Variants in PIKFYVE observed in about 807,000 individuals in gnomAD.
PIKFYVE encodes phosphoinositide kinase, FYVE-type zinc finger containing.
In PIKFYVE, 122 loss-of-function variants were observed where a neutral mutation model predicts 257.9. The ratio of observed to expected loss-of-function variants is 0.47; its 90% CI spans 0.41 to 0.55. PIKFYVE has a LOEUF of 0.55. Ranked by LOEUF, PIKFYVE falls within the 20% of genes least tolerant of loss-of-function variation. The pLI, the probability that PIKFYVE is intolerant of heterozygous loss-of-function variation, is 0.00. For synonymous variants in PIKFYVE, 892 were observed against 868.9 expected (o/e 1.03, Z -0.47); for missense variants, 2,160 against 2,536.6 (o/e 0.85, Z 3.19).
chr2:208,354,198 AG>A (rs1359164818), intron 40 of PIKFYVE, 39 bp downstream of exon 40: 1 of 1,596,444 alleles, frequency 6.3e-7, no homozygotes, highest in Admixed American at 1.7e-5. Flanking sequence ...TCATGATTGA[AG>A]TCAGAGTCAA....
At position 208,314,295 on chromosome 2, in the gene PIKFYVE, A is replaced by T; in HGVS notation, c.1698A>T (p.Glu566Asp). The change falls in exon 14 of 42, where the codon GAA (glutamate) becomes GAT (aspartate). Residue 566 changes from glutamate (E) to aspartate (D), a missense_variant and splice_region_variant. Physicochemically the swap from Glu to Asp is conservative, Grantham distance 45. Transcript: ENST00000264380. ...CTTCTTATTTTATATTGTACTTAGA[A>T]TCCTTATTTAATCGCCGAGTAGAGG... Reference protein sequence around the residue: ...QLSISDAFIKESLFNRRVEEK... With the variant: ...QLSISDAFIKDSLFNRRVEEK... The T allele has an allele frequency of 6.2e-7, 1 of 1,612,360 alleles. No individual in the cohort carries two copies. Among genetic ancestry groups the T allele is most frequent in the Non-Finnish European group, 8.5e-7 (1 of 1,178,512 alleles).
chr2:208,314,890 C>T (rs745846222), intron 14 of PIKFYVE, among the ~76,000 whole-genome samples: 4 of 80,094 alleles, frequency 5.0e-5, no homozygotes, highest in Non-Finnish European at 5.3e-5. Flanking sequence ...AGCAAGACTT[C>T]GTCTCAGAGA....
chr2:208,277,434 AT>A, intron 4 of PIKFYVE, 102 bp from the exon 5 acceptor site: 1 of 1,275,552 alleles, frequency 7.8e-7, no homozygotes, highest in Non-Finnish European at 1.1e-6. Context: ...GAATTTTTGA[AT>A]TAGTTTGTTT....
intron 7 of PIKFYVE, among the ~76,000 whole-genome samples, chr2:208,290,712 T>A (rs752026889): frequency 1.3e-5 from 2 of 152,202 alleles, no homozygotes; most frequent in Non-Finnish European, 2.9e-5. Context: ...CAAAGTGGTT[T>A]TACCATTTTG....
At chr2:208,302,491 CTT>C (rs1162322724) in intron 10 of PIKFYVE, 138 bp downstream of exon 10, 1 of 797,132 alleles carries the variant, frequency 1.3e-6, no homozygotes, top group East Asian at 2.7e-5. Flanking sequence ...AAAGTTAAAA[CTT>C]TTTTTACTTG....
At chr2:208,279,497 T>C (rs998906410) in intron 5 of PIKFYVE, among the ~76,000 whole-genome samples, 13 of 152,212 alleles carry the variant, frequency 8.5e-5, no homozygotes, top group African/African-American at 2.9e-4. Flanking sequence ...AGAATCATGC[T>C]TCATAGGTTT....
chr2:208,326,374 A>C lies in PIKFYVE; in HGVS notation c.3563A>C (p.Asn1188Thr), dbSNP rs1282498139. The change falls in exon 20 of 42, where the codon AAT becomes ACT. Residue 1188 changes from asparagine to threonine, a missense_variant. Transcript: ENST00000264380. ...TCAAGTGGCCAATCAGGAAGCAAAAATGAGGGTGATGAAGAGAGAGGGCTT... is the reference window on the plus strand; with the variant it reads ...TCAAGTGGCCAATCAGGAAGCAAAACTGAGGGTGATGAAGAGAGAGGGCTT... ...STSSGQSGSK[N>T]EGDEERGLIL... 6.2e-6 allele frequency: 10 copies of C among 1,613,980 alleles called. No individual in the cohort carries two copies. Among genetic ancestry groups the C allele is most frequent in the Non-Finnish European group, 8.5e-6 (10 of 1,179,956 alleles).
chr2:208,352,800 T>C lies in PIKFYVE; in HGVS notation c.5844+18T>C. On this transcript the variant is annotated intron_variant, in intron 39 of 41. Transcript: ENST00000264380. ...TGGCACAGGTAAGGGTATTGGACTATGTGAAGCATTTAGCTACTGGAACCT... is the reference window on the plus strand; with the variant it reads ...TGGCACAGGTAAGGGTATTGGACTACGTGAAGCATTTAGCTACTGGAACCT... 1 of 1,611,092 alleles carries C rather than the reference T, an allele frequency of 6.2e-7. No homozygotes were observed.
At chr2:208,311,283 A>G (rs1174081470) in intron 12 of PIKFYVE, among the ~76,000 whole-genome samples, 1 of 152,188 alleles carries the variant, frequency 6.6e-6, no homozygotes, top group Non-Finnish European at 1.5e-5. Context: ...AAAGTGTAAC[A>G]TCTATCTTGC....
chr2:208,354,733 T>A lies in PIKFYVE; in HGVS notation c.6181+88T>A, dbSNP rs75048206. 4.4e-4 allele frequency: 464 copies of A among 1,051,098 alleles called. 5 individuals are homozygous for A. In the East Asian group the frequency reaches 0.011, roughly 24 times the overall value. 65.1% of individuals were successfully genotyped at this position (1,051,098 alleles called of 1,614,324 possible). ...GTGGATACTGATTCTTTTTTTTAGT[T>A]GTAAAAAATAAGTGGTTATCATTGA... On this transcript the variant is annotated intron_variant, in intron 41 of 41. Coordinates refer to ENST00000264380, the MANE Select transcript of PIKFYVE (RefSeq NM_015040.4).
At position 208,273,706 on chromosome 2, in the gene PIKFYVE, G is replaced by A. The variant is rs764698363; in HGVS notation, c.295G>A (p.Glu99Lys). 1.1e-5 allele frequency: 17 copies of A among 1,614,054 alleles called. No homozygotes were observed. The South Asian group carries it at 1.6e-4, about 16-fold the overall frequency. ...PTPYKKQLNE[E>K]LQRRSSALDT... ...ACCTTATAAAAAGCAGCTTAATGAGGAACTCCAGCGGCGCTCTTCAGCATT... is the reference window on the plus strand; with the variant it reads ...ACCTTATAAAAAGCAGCTTAATGAGAAACTCCAGCGGCGCTCTTCAGCATT... Residue 99 changes from glutamate to lysine, a missense_variant, in exon 3 of 42, where the codon GAA becomes AAA. Physicochemically the swap from Glu to Lys is moderately conservative, Grantham distance 56. Coordinates refer to ENST00000264380, the MANE Select transcript of PIKFYVE (RefSeq NM_015040.4).
chr2:208,341,635 T>C (rs1322886028), intron 31 of PIKFYVE, among the ~76,000 whole-genome samples: 1 of 152,172 alleles, frequency 6.6e-6, no homozygotes, highest in East Asian at 1.9e-4. Context: ...TTTTGGGTTG[T>C]AGATTGCTGT....
At chr2:208,303,072 G>T (rs1559086833) in intron 10 of PIKFYVE, among the ~76,000 whole-genome samples, 1 of 151,876 alleles carries the variant, frequency 6.6e-6, no homozygotes, top group South Asian at 2.1e-4. Context: ...ACAAAGCAAG[G>T]CTCCGTCTCA....
chr2:208,281,077 C>T (rs969359378), intron 5 of PIKFYVE, among the ~76,000 whole-genome samples: 12 of 152,212 alleles, frequency 7.9e-5, no homozygotes, highest in Admixed American at 7.2e-4. Flanking sequence ...TTTAAGGATT[C>T]GGGGCCTCCC....
At chr2:208,319,315 C>T (rs547033436) in intron 16 of PIKFYVE, among the ~76,000 whole-genome samples, 12 of 152,248 alleles carry the variant, frequency 7.9e-5, no homozygotes, top group East Asian at 3.9e-4. Flanking sequence ...GTACTTATCG[C>T]GTATTTTATT....
At chr2:208,322,315 G>C (rs1173778351) in intron 17 of PIKFYVE, among the ~76,000 whole-genome samples, 1 of 144,042 alleles carries the variant, frequency 6.9e-6, no homozygotes, top group Admixed American at 7.1e-5. Context: ...TGAGGTCACA[G>C]TGAGCTATGA....
At chr2:208,353,633 T>C (rs1699967335) in intron 39 of PIKFYVE, among the ~76,000 whole-genome samples, 1 of 152,116 alleles carries the variant, frequency 6.6e-6, no homozygotes, top group African/African-American at 2.4e-5. Context: ...AATTGGCCAG[T>C]GTATTTCGGA....
At chr2:208,307,498 T>C (rs1467922289) in intron 12 of PIKFYVE, among the ~76,000 whole-genome samples, 2 of 152,126 alleles carry the variant, frequency 1.3e-5, no homozygotes, top group Non-Finnish European at 2.9e-5. Flanking sequence ...TCTGGGATCA[T>C]GGAGCCAGAG....
At chr2:208,290,320 T>C (rs968537675) in intron 7 of PIKFYVE, among the ~76,000 whole-genome samples, 1 of 152,242 alleles carries the variant, frequency 6.6e-6, no homozygotes, top group Non-Finnish European at 1.5e-5. Context: ...TAATCTTTTT[T>C]ACTGTCTCCA....
Sources: allele counts gnomAD v4.1 joint callset (sites outside exome capture counted in the v4.1 genomes callset), GRCh38; gene constraint gnomAD v4.1.1; transcripts MANE v1.5; gene names NCBI Gene and HGNC (gene_info 2026-07-23, HGNC 2026-07-21).